Variants in KCNIP1 observed in about 807,000 individuals in gnomAD.
KCNIP1 encodes the protein potassium voltage-gated channel interacting protein 1.
KCNIP1 carries 18 observed loss-of-function variants against 33.0 expected under a neutral mutation model. The observed-to-expected ratio is 0.55, with a 90% CI of 0.38 to 0.81. KCNIP1 has a LOEUF of 0.81. Ranked by LOEUF, KCNIP1 falls within the 30% of genes least tolerant of loss-of-function variation. The pLI is 0.00. For synonymous variants in KCNIP1, 93 were observed against 98.3 expected, an observed-to-expected ratio of 0.95 and a Z score of 0.32; for missense variants, 238 against 271.6, an observed-to-expected ratio of 0.88 and a Z score of 0.87.
chr5:170,632,604 C>T (rs1300702166), intron 1 of KCNIP1, among the ~76,000 whole-genome samples: 1 of 152,184 alleles, frequency 6.6e-6, no homozygotes, highest in African/African-American at 2.4e-5. Flanking sequence ...GGGATGTGGG[C>T]GGTAAATGAA....
chr5:170,730,951 G>A (rs1307189192), intron 5 of KCNIP1, among the ~76,000 whole-genome samples: 1 of 151,976 alleles, frequency 6.6e-6, no homozygotes, highest in African/African-American at 2.4e-5. Flanking sequence ...TGTAAAATAT[G>A]GTAAATGCCC....
At chr5:170,501,020 C>A (rs914053209), upstream of KCNIP1, among the ~76,000 whole-genome samples, 2 of 152,128 alleles carry the variant, frequency 1.3e-5, no homozygotes, top group East Asian at 1.9e-4. Flanking sequence ...GTTGGCTGCA[C>A]CCCTGTCAGA....
chr5:170,426,322 G>A (rs1561620204), intron 1 of KCNIP1, among the ~76,000 whole-genome samples: 1 of 151,820 alleles, frequency 6.6e-6, no homozygotes, highest in Non-Finnish European at 1.5e-5. Flanking sequence ...AGCCCCCTGA[G>A]GCAGCTGCTC....
At chr5:170,408,521 A>G (rs1383738600) in intron 1 of KCNIP1, among the ~76,000 whole-genome samples, 2 of 152,134 alleles carry the variant, frequency 1.3e-5, no homozygotes, top group East Asian at 3.9e-4. Flanking sequence ...AGGGGGAAAA[A>G]CACCTCGCAG....
intron 1 of KCNIP1, among the ~76,000 whole-genome samples, chr5:170,551,107 C>CT (rs968424947): frequency 2.6e-5 from 4 of 152,124 alleles, no homozygotes; most frequent in African/African-American, 4.8e-5. Flanking sequence ...ACTTTTATGC[C>CT]TTTTTTGTGT....
intron 1 of KCNIP1, among the ~76,000 whole-genome samples, chr5:170,573,770 A>G (rs1022931795): frequency 6.6e-6 from 1 of 152,258 alleles, no homozygotes; most frequent in African/African-American, 2.4e-5. Flanking sequence ...TGCCTTTGCA[A>G]AAAAGACAGT....
chr5:170,606,754 C>G (rs374599991), intron 1 of KCNIP1, among the ~76,000 whole-genome samples: 1 of 152,218 alleles, frequency 6.6e-6, no homozygotes, highest in Admixed American at 6.5e-5. Flanking sequence ...CACACGGCCA[C>G]GCTCACAGCC....
intron 1 of KCNIP1, among the ~76,000 whole-genome samples, chr5:170,676,976 A>G (rs970423326): frequency 6.6e-6 from 1 of 152,230 alleles, no homozygotes; most frequent in African/African-American, 2.4e-5. Context: ...AGCAATTTCC[A>G]GAGGAAGTCT....
At chr5:170,362,637 T>C (rs1763544722) in intron 1 of KCNIP1, among the ~76,000 whole-genome samples, 1 of 152,212 alleles carries the variant, frequency 6.6e-6, no homozygotes, top group African/African-American at 2.4e-5. Context: ...GTTGTATTTC[T>C]AGTCTGGCCA....
At chr5:170,620,320 A>G (rs1393833228) in intron 1 of KCNIP1, among the ~76,000 whole-genome samples, 2 of 152,158 alleles carry the variant, frequency 1.3e-5, no homozygotes, top group African/African-American at 4.8e-5. Context: ...GCTTAATTCC[A>G]TTGGTTCTCT....
chr5:170,396,552 G>T lies in KCNIP1; in HGVS notation c.88+42588G>T, dbSNP rs541834005. ...ATGAATACACATAAGATTTACATTG[G>T]TTCAGCCCAGAAAGGCAGGACATCT... On this transcript the variant is annotated intron_variant, in intron 1 of 7. Transcript: ENST00000377360. Among the ~76,000 whole-genome samples, 13 of 152,322 alleles carry T rather than the reference G, an allele frequency of 8.5e-5. No individual in the cohort carries two copies. The South Asian group carries it at 2.7e-3, about 32-fold the overall frequency.
chr5:170,451,770 T>TGTGTGTGTGTGTGTGTG (rs1215207951), intron 1 of KCNIP1, among the ~76,000 whole-genome samples: 38 of 147,696 alleles, frequency 2.6e-4, no homozygotes, highest in African/African-American at 5.0e-4. Context: ...TGTGTGTGTG[T>TGTGTGTGTGTGTGTGTG]TTGCAGGGGG....
chr5:170,603,703 G>A (rs1758786905), intron 1 of KCNIP1, among the ~76,000 whole-genome samples: 1 of 151,902 alleles, frequency 6.6e-6, no homozygotes, highest in Non-Finnish European at 1.5e-5. Context: ...AGCAAAGGCA[G>A]AGGTGGGGAG....
chr5:170,609,257 A>T (rs1025220647), intron 1 of KCNIP1, among the ~76,000 whole-genome samples: 4 of 152,036 alleles, frequency 2.6e-5, no homozygotes, highest in African/African-American at 9.7e-5. Flanking sequence ...GAGGCTATTT[A>T]TTTATTTTTT....
chr5:170,552,057 G>A (rs1311518450), intron 1 of KCNIP1, among the ~76,000 whole-genome samples: 3 of 151,854 alleles, frequency 2.0e-5, no homozygotes, highest in South Asian at 2.1e-4. Flanking sequence ...CGATGTTCAC[G>A]ATGGGCTGGA....
chr5:170,422,957 G>A (rs191870944), intron 1 of KCNIP1: 69 of 152,428 alleles, frequency 4.5e-4, no homozygotes, highest in African/African-American at 1.6e-3. Context: ...ATGGTGGCAT[G>A]TGCCTGTAGT....
intron 1 of KCNIP1, among the ~76,000 whole-genome samples, chr5:170,666,809 C>T (rs1021057728): frequency 1.3e-5 from 2 of 152,144 alleles, no homozygotes; most frequent in African/African-American, 4.8e-5. Flanking sequence ...CTCGCTGGGC[C>T]CCTGCCCACT....
chr5:170,666,924 T>C (rs2113760711), intron 1 of KCNIP1, among the ~76,000 whole-genome samples: 1 of 152,364 alleles, frequency 6.6e-6, no homozygotes, highest in African/African-American at 2.4e-5. Flanking sequence ...TCCAACGTGA[T>C]AGTTGGCCTC....
At position 170,445,815 on chromosome 5, in the gene KCNIP1, G is replaced by T. The variant is rs1305380076; in HGVS notation, c.88+91851G>T. Among the ~76,000 whole-genome samples, 3 of 152,214 alleles carry T rather than the reference G, an allele frequency of 2.0e-5. No individual in the cohort carries two copies. The East Asian group carries it at 5.8e-4, about 29-fold the overall frequency. On this transcript the variant is annotated intron_variant, in intron 1 of 7. Coordinates refer to the KCNIP1 transcript ENST00000377360. ...CCTAAAGCCAGGCCATACTACCGAG[G>T]TTAAAGAAGGTGAAAGGGCTGCATT...
Sources: allele counts gnomAD v4.1 joint callset (sites outside exome capture counted in the v4.1 genomes callset), GRCh38; gene constraint gnomAD v4.1.1; transcripts MANE v1.5; gene names NCBI Gene and HGNC (gene_info 2026-07-23, HGNC 2026-07-21).